The following TSPAN9 variants were observed in gnomAD, a reference collection of about 807,000 sequenced individuals.
The protein encoded by TSPAN9 is tetraspanin-9.
A neutral mutation model predicts 31.0 loss-of-function variants in TSPAN9; 16 were observed. The ratio of observed to expected loss-of-function variants is 0.52; its 90% CI spans 0.35 to 0.78. The LOEUF is 0.78. Ranked by LOEUF, TSPAN9 falls within the 30% of genes least tolerant of loss-of-function variation. The pLI is 0.01. For synonymous variants in TSPAN9, 145 were observed against 121.6 expected (o/e 1.19, Z -1.27); for missense variants, 272 against 312.5 (o/e 0.87, Z 0.98).
chr12:3,183,109 G>A lies in TSPAN9; in HGVS notation c.-17-18068G>A, dbSNP rs527828135. Among the ~76,000 whole-genome samples the A allele has an allele frequency of 4.6e-5, 7 of 152,340 alleles. No homozygotes were observed. In the South Asian group the frequency reaches 1.5e-3, roughly 32 times the overall value. On this transcript the variant is annotated intron_variant, in intron 2 of 8. Transcript: ENST00000011898. ...GACACATGCAAGTAGGAGCACCCGC[G>A]GTGGCCAAGTGCTCAGAGAAGGCTT...
chr12:3,278,868 G>A, intron 4 of TSPAN9, 124 bp from the exon 5 acceptor site: 1 of 1,073,026 alleles, frequency 9.3e-7, no homozygotes. Flanking sequence ...TTCCTCAGGA[G>A]GAGCTGGCTT....
In TSPAN9 at chr12:3,170,560, G is replaced by A. The variant is rs973457416; in HGVS notation, c.-17-30617G>A. Among the ~76,000 whole-genome samples the A allele has an allele frequency of 1.3e-5, 2 of 151,480 alleles. No homozygotes were observed. Among genetic ancestry groups the A allele is most frequent in the Admixed American group, 6.6e-5 (1 of 15,166 alleles). ...ATCTGATCTGGTGGATGTGCGTGGC[G>A]TAGATAAGAGATCACTGAGTCAGTT... On this transcript the variant is annotated intron_variant, in intron 2 of 8. Transcript: ENST00000011898. The surrounding 1 kb of genome is among the most constrained non-coding windows in gnomAD (Gnocchi z 4.4).
intron 3 of TSPAN9, among the ~76,000 whole-genome samples, chr12:3,269,459 T>C (rs1239946202): frequency 2.9e-5 from 4 of 135,848 alleles, no homozygotes; most frequent in African/African-American, 2.7e-5. Flanking sequence ...GCCTGCCCTC[T>C]GTGCGTTCCT....
intron 2 of TSPAN9, among the ~76,000 whole-genome samples, chr12:3,185,070 A>C (rs2335817): frequency 0.64 from 97,042 of 152,000 alleles, 32,144 homozygotes; most frequent in South Asian, 0.74. Context: ...TGATAAGAGT[A>C]GTGAAGACTG....
In TSPAN9 at chr12:3,115,262, C is replaced by T. The variant is rs577537156; in HGVS notation, c.-18+31543C>T. On this transcript the variant is annotated intron_variant, in intron 2 of 8. Transcript: ENST00000011898. ...TTGTAGCACGTGTCAGAATTCCATT[C>T]CTTTTTAGGGCTCAGTAATATTCCA... Among the ~76,000 whole-genome samples the T allele has an allele frequency of 2.6e-5, 4 of 152,318 alleles. No individual in the cohort carries two copies. The East Asian group carries it at 7.7e-4, about 29-fold the overall frequency.
intron 3 of TSPAN9, among the ~76,000 whole-genome samples, chr12:3,205,178 A>G (rs2098374315): frequency 6.6e-6 from 1 of 152,328 alleles, no homozygotes; most frequent in Admixed American, 6.5e-5. Flanking sequence ...GTCATTTTTC[A>G]TGCTTGCCAG....
intron 2 of TSPAN9, among the ~76,000 whole-genome samples, chr12:3,177,277 A>G (rs1390710373): frequency 1.3e-5 from 2 of 151,982 alleles, no homozygotes; most frequent in African/African-American, 4.8e-5. Flanking sequence ...AGCTGGGACT[A>G]CAGGTGCCTG....
At chr12:3,129,841 G>T (rs1482252438) in intron 2 of TSPAN9, among the ~76,000 whole-genome samples, 1 of 152,162 alleles carries the variant, frequency 6.6e-6, no homozygotes, top group Non-Finnish European at 1.5e-5. Context: ...CGTCCCTGGG[G>T]CCAGCTGTCC....
intron 2 of TSPAN9, among the ~76,000 whole-genome samples, chr12:3,118,953 C>T (rs2098323851): frequency 6.6e-6 from 1 of 152,170 alleles, no homozygotes. Flanking sequence ...GGGCGCAGGA[C>T]CGAGATCGCC....
chr12:3,222,276 C>T (rs996754692), intron 3 of TSPAN9, among the ~76,000 whole-genome samples: 1 of 152,198 alleles, frequency 6.6e-6, no homozygotes, highest in African/African-American at 2.4e-5. Flanking sequence ...ATACACAGGG[C>T]CCTGGCTCCG....
At chr12:3,152,012 A>T (rs922369820) in intron 2 of TSPAN9, among the ~76,000 whole-genome samples, 2 of 152,244 alleles carry the variant, frequency 1.3e-5, no homozygotes, top group Non-Finnish European at 2.9e-5. Context: ...TGCAAATGGG[A>T]TGCCTGCTGG....
At chr12:3,177,945 C>G (rs989323497) in intron 2 of TSPAN9, among the ~76,000 whole-genome samples, 8 of 152,154 alleles carry the variant, frequency 5.3e-5, no homozygotes, top group Non-Finnish European at 7.3e-5. Flanking sequence ...GTGTCTGGGC[C>G]GTGTCTTGCC....
chr12:3,125,895 A>G (rs1179315113), intron 2 of TSPAN9, among the ~76,000 whole-genome samples: 1 of 152,136 alleles, frequency 6.6e-6, no homozygotes, highest in African/African-American at 2.4e-5. Context: ...ATGAACGAGG[A>G]CTCAGCACAT....
intron 3 of TSPAN9, among the ~76,000 whole-genome samples, chr12:3,220,389 G>T (rs2098383792): frequency 6.6e-6 from 1 of 152,214 alleles, no homozygotes; most frequent in Non-Finnish European, 1.5e-5. Context: ...CACCCTCAGG[G>T]TTAGGCGTGG....
chr12:3,155,773 G>A (rs2098341935), intron 2 of TSPAN9, among the ~76,000 whole-genome samples: 3 of 152,172 alleles, frequency 2.0e-5, no homozygotes, highest in Non-Finnish European at 2.9e-5. Flanking sequence ...ATCACGCAGT[G>A]AGGAAAATTG....
intron 1 of TSPAN9, among the ~76,000 whole-genome samples, chr12:3,081,844 G>GTGTGTATA (rs57812985): frequency 0.031 from 3,609 of 116,728 alleles, 107 homozygotes; most frequent in Admixed American, 0.039. Flanking sequence ...GTCTGTGTGT[G>GTGTGTATA]TATATATATG....
chr12:3,159,064 G>C (rs970192381), intron 2 of TSPAN9, among the ~76,000 whole-genome samples: 2 of 151,972 alleles, frequency 1.3e-5, no homozygotes, highest in African/African-American at 4.8e-5. Context: ...CCCCCTGCCA[G>C]GGAGCCTATT....
intron 2 of TSPAN9, among the ~76,000 whole-genome samples, chr12:3,183,094 A>C (rs1489433925): frequency 6.6e-6 from 1 of 152,198 alleles, no homozygotes; most frequent in Non-Finnish European, 1.5e-5. Context: ...GACACATGCA[A>C]GTAGGAGCAC....
intron 2 of TSPAN9, among the ~76,000 whole-genome samples, chr12:3,105,780 GCTCATACACACTCA>G (rs2098314171): frequency 7.3e-6 from 1 of 137,290 alleles, no homozygotes; most frequent in South Asian, 2.6e-4. Flanking sequence ...ACGCACACAC[GCTCATACACACTCA>G]CGCACACATG....
Sources: gnomAD v4.1 joint callset for allele counts (sites outside exome capture counted in the v4.1 genomes callset) on GRCh38, gnomAD v4.1.1 for gene constraint, Gnocchi (gnomAD v3.1) non-coding constraint, MANE v1.5 for transcripts, NCBI Gene and HGNC (gene_info 2026-07-23, HGNC 2026-07-21) for gene names.